The following ZNF114 variants were observed in gnomAD, a reference collection of about 807,000 sequenced individuals.
ZNF114 encodes the protein zinc finger protein 114.
In ZNF114, 8 loss-of-function variants were observed where a neutral mutation model predicts 6.8. That is an observed-to-expected ratio of 1.18 (90% CI 0.69 to 2.13). The LOEUF (loss-of-function observed/expected upper bound fraction) is 2.13. ZNF114 is among the 30% of genes most tolerant of loss of function. The pLI is 0.00. For synonymous variants in ZNF114, 169 were observed against 185.5 expected (o/e 0.91, Z 0.72); for missense variants, 472 against 519.5 (o/e 0.91, Z 0.89).
chr19:48,279,488 GT>G, intron 3 of ZNF114, among the ~76,000 whole-genome samples: 1 of 104,702 alleles, frequency 9.6e-6, no homozygotes, highest in Non-Finnish European at 1.9e-5. Flanking sequence ...GTGTGTGTGA[GT>G]GTGTGTGTGG....
rs992685357 is a variant in ZNF114, at chr19:48,271,804, T to A, written c.-94T>A. 1 of 152,340 alleles carries A rather than the reference T, an allele frequency of 6.6e-6. No homozygotes were observed. Among genetic ancestry groups the A allele is most frequent in the African/African-American group, 2.4e-5 (1 of 41,432 alleles). The allele number at this position is 152,340 out of a possible 1,614,324, so 9.4% of individuals were successfully genotyped here. ...TTGGGCTGCGCCACCGACAGAGACA[T>A]CTGGAAGCCGGAGCTAGTGGAAGAG... On this transcript the variant is annotated 5_prime_UTR_variant, in exon 3 of 6. Coordinates refer to ENST00000595607, the MANE Select transcript of ZNF114 (RefSeq NM_153608.4).
At position 48,286,187 on chromosome 19, in the gene ZNF114, C is replaced by T. The variant is rs1263311978; in HGVS notation, c.563C>T (p.Pro188Leu). 9 of 1,613,938 alleles carry T rather than the reference C, an allele frequency of 5.6e-6. No homozygotes were observed. Among genetic ancestry groups the T allele is most frequent in the African/African-American group, 1.3e-5 (1 of 74,848 alleles). Residue 188 changes from proline to leucine, a missense_variant, in exon 6 of 6, where the codon CCG becomes CTG. Pro to Leu is a moderately conservative substitution (Grantham distance 98). Coordinates refer to ENST00000595607, the MANE Select transcript of ZNF114 (RefSeq NM_153608.4). ...TTGGGGTGGAACATTCAGTGGGTTC[C>T]GTGTGGGAGAAAAACAGAGCTGAAA... ...GVLGWNIQWV[P>L]CGRKTELKSS... is the part of the protein sequence containing the mutation.
At chr19:48,281,954 T>A (rs1439021010) in intron 4 of ZNF114, among the ~76,000 whole-genome samples, 2 of 138,872 alleles carry the variant, frequency 1.4e-5, no homozygotes, top group African/African-American at 5.4e-5. Context: ...TGGAGTGCAG[T>A]GGTGTGATCT....
At chr19:48,275,457 C>CAA (rs1555876288) in intron 3 of ZNF114, among the ~76,000 whole-genome samples, 3 of 144,558 alleles carry the variant, frequency 2.1e-5, no homozygotes, top group Admixed American at 1.4e-4. Flanking sequence ...CACACACACA[C>CAA]AAAATAGCCA....
In ZNF114 at chr19:48,279,073, C is replaced by T. The variant is rs369724392; in HGVS notation, c.-69-658C>T. On this transcript the variant is annotated intron_variant, in intron 3 of 5. Transcript: ENST00000595607. ...AGTATTTGGAACTAGGTAGAGGTGA[C>T]GTTTGTACAACATTGCAAATGCACT... Among the ~76,000 whole-genome samples the T allele has an allele frequency of 2.0e-5, 3 of 152,060 alleles. No homozygotes were observed. In the East Asian group the frequency reaches 5.9e-4, roughly 30 times the overall value.
In ZNF114 at chr19:48,275,721, G is replaced by A. The variant is rs186895591; in HGVS notation, c.-70+3893G>A. ...CTATAATGGCTGTTTGTTGCCGGGC[G>A]CGGTGGCTCACTCCTGTAATCCCAG... On this transcript the variant is annotated intron_variant, in intron 3 of 5. Coordinates refer to ENST00000595607, the MANE Select transcript of ZNF114 (RefSeq NM_153608.4). Among the ~76,000 whole-genome samples the A allele has an allele frequency of 1.7e-3, 257 of 152,058 alleles. 2 individuals carry two copies. The highest frequency in any genetic ancestry group is 3.1e-3 in the Non-Finnish European group (212 of 67,988).
chr19:48,282,758 G>C (rs945894604), intron 5 of ZNF114, among the ~76,000 whole-genome samples: 9 of 151,518 alleles, frequency 5.9e-5, no homozygotes, highest in African/African-American at 2.2e-4. Context: ...TATCTCCCAG[G>C]CTGGAGTGCA....
At chr19:48,280,031 T>C (rs12610282) in intron 4 of ZNF114, among the ~76,000 whole-genome samples, 4,091 of 152,200 alleles carry the variant, frequency 0.027, 256 homozygotes, top group East Asian at 0.25. Context: ...TTTCCACACC[T>C]CATCCTGGCT....
Position 48,286,334 on chromosome 19 carries a change from G to C in ZNF114, c.710G>C (p.Arg237Thr). 1 of 1,614,168 alleles carries C rather than the reference G, an allele frequency of 6.2e-7. No individual in the cohort carries two copies. The highest frequency in any genetic ancestry group is 8.5e-7 in the Non-Finnish European group (1 of 1,180,038). ...GKAFREDGSL[R>T]AHNTHGREKM... ...GCTTTCCGTGAAGACGGATCCCTTA[G>C]GGCACACAACACTCATGGTCGAGAG... is the stretch of plus-strand genomic sequence containing the variant. Residue 237 changes from arginine (R) to threonine (T), a missense_variant, in exon 6 of 6, where the codon AGG becomes ACG. Coordinates refer to ENST00000595607, the MANE Select transcript of ZNF114 (RefSeq NM_153608.4).
rs754291275 is a variant in ZNF114 at position 48,286,532 on chromosome 19, C to T, written c.908C>T (p.Thr303Ile). ...AAGAGTCATTGCACTGGAGAGAAAACCCATAAATGCCCCGAATGTGGGAGA... is the reference window on the plus strand; with the variant it reads ...AAGAGTCATTGCACTGGAGAGAAAATCCATAAATGCCCCGAATGTGGGAGA... Reference protein sequence around the residue: ...SHKSHCTGEKTHKCPECGRAF... With the variant: ...SHKSHCTGEKIHKCPECGRAF... Residue 303 changes from threonine (T) to isoleucine (I), a missense_variant, in exon 6 of 6, where the codon ACC becomes ATC. Coordinates refer to ENST00000595607, the MANE Select transcript of ZNF114 (RefSeq NM_153608.4). 3.1e-6 allele frequency: 5 copies of T among 1,614,174 alleles called. No homozygotes were observed. Among genetic ancestry groups the T allele is most frequent in the Non-Finnish European group, 4.2e-6 (5 of 1,180,044 alleles).
intron 4 of ZNF114, 33 bp downstream of exon 4, chr19:48,279,841 T>C (rs1464611681): frequency 6.2e-7 from 1 of 1,613,480 alleles, no homozygotes; most frequent in Non-Finnish European, 8.5e-7. Context: ...CCCAGAAGCG[T>C]GTTGTCGTTC....
chr19:48,284,420 T>A (rs1968065737), intron 5 of ZNF114, among the ~76,000 whole-genome samples: 1 of 152,116 alleles, frequency 6.6e-6, no homozygotes, highest in Non-Finnish European at 1.5e-5. Flanking sequence ...AAAACAATTT[T>A]TTTTTAATTA....
intron 4 of ZNF114, chr19:48,281,498 CTTCTTT>C (rs1284678304): frequency 2.4e-5 from 3 of 122,994 alleles, no homozygotes; most frequent in East Asian, 2.3e-4. Context: ...CACATTTCCC[CTTCTTT>C]TTTTTTTTTT....
intron 4 of ZNF114, among the ~76,000 whole-genome samples, chr19:48,281,171 C>T (rs993461005): frequency 5.3e-5 from 8 of 151,246 alleles, no homozygotes; most frequent in African/African-American, 1.9e-4. Flanking sequence ...GTCATACGAC[C>T]GGACGTCAGT....
chr19:48,278,092 C>T (rs957330029), intron 3 of ZNF114, among the ~76,000 whole-genome samples: 3 of 151,964 alleles, frequency 2.0e-5, no homozygotes, highest in Admixed American at 6.6e-5. Flanking sequence ...TGCGCCACCA[C>T]GCCCGGTTAA....
intron 5 of ZNF114, among the ~76,000 whole-genome samples, chr19:48,282,785 T>C (rs926039937): frequency 1.3e-5 from 2 of 152,134 alleles, no homozygotes; most frequent in African/African-American, 4.8e-5. Context: ...TCATCTCAGC[T>C]CACTGCAACT....
intron 4 of ZNF114, 27 bp downstream of exon 4, chr19:48,279,835 G>A (rs1568992512): frequency 1.2e-6 from 2 of 1,613,848 alleles, no homozygotes; most frequent in Non-Finnish European, 1.7e-6. Context: ...CCCTCTCCCA[G>A]AAGCGTGTTG....
At position 48,279,756 on chromosome 19, in the gene ZNF114, G is replaced by A. The variant is rs763007955; in HGVS notation, c.-44G>A. 6.2e-7 allele frequency: 1 copy of A among 1,613,834 alleles called. No homozygotes were observed. The highest frequency in any genetic ancestry group is 8.5e-7 in the Non-Finnish European group (1 of 1,179,880). On this transcript the variant is annotated 5_prime_UTR_variant, in exon 4 of 6. Coordinates refer to ENST00000595607, the MANE Select transcript of ZNF114 (RefSeq NM_153608.4). ...CTCTGCCTCACCTGCCTCCTTGAAG[G>A]AAACACGGGGAAGCCAGGACTGGCC...
chr19:48,273,344 G>A lies in ZNF114; in HGVS notation c.-70+1516G>A, dbSNP rs991015564. On this transcript the variant is annotated intron_variant, in intron 3 of 5. Coordinates refer to ENST00000595607, the MANE Select transcript of ZNF114 (RefSeq NM_153608.4). ...ATCAGCCAGGTATATCTTCGTCATGGACAATCAGGCAAAAGCCAACCTCAG... is the reference window on the plus strand; with the variant it reads ...ATCAGCCAGGTATATCTTCGTCATGAACAATCAGGCAAAAGCCAACCTCAG... Among the ~76,000 whole-genome samples, 40 of 152,046 alleles carry A rather than the reference G, an allele frequency of 2.6e-4. 1 individual carries two copies. Among genetic ancestry groups the A allele is most frequent in the African/African-American group, 9.4e-4 (39 of 41,398 alleles).
Sources: gnomAD v4.1 joint callset for allele counts (sites outside exome capture counted in the v4.1 genomes callset) on GRCh38, gnomAD v4.1.1 for gene constraint, MANE v1.5 for transcripts, NCBI Gene and HGNC (gene_info 2026-07-23, HGNC 2026-07-21) for gene names.